PRDM16: variants seen among roughly 807,000 people sequenced by gnomAD.
PRDM16 encodes the protein histone-lysine N-methyltransferase PRDM16.
Under a neutral mutation model 110.6 loss-of-function variants are expected in PRDM16, and 23 were observed. The ratio of observed to expected loss-of-function variants is 0.21; its 90% CI spans 0.15 to 0.29. The LOEUF (loss-of-function observed/expected upper bound fraction) is 0.29. Ranked by LOEUF, PRDM16 falls within the 10% of genes least tolerant of loss-of-function variation. PRDM16 has a pLI of 1.00. For synonymous variants in PRDM16, 799 were observed against 781.8 expected (o/e 1.02, Z -0.37); for missense variants, 1,615 against 1,794.3 (o/e 0.90, Z 1.81).
At chr1:3,185,198 A>C (rs2651927) in intron 1 of PRDM16, among the ~76,000 whole-genome samples, 49,117 of 151,806 alleles carry the variant, frequency 0.32, 9,253 homozygotes, top group African/African-American at 0.53. Context: ...TCAGGCTACA[A>C]TCTGGTATAG....
chr1:3,247,340 T>C (rs1251899927), intron 3 of PRDM16, among the ~76,000 whole-genome samples: 1 of 152,242 alleles, frequency 6.6e-6, no homozygotes, highest in Non-Finnish European at 1.5e-5. Context: ...TTAGGAATTC[T>C]AAGTATCAGA....
intron 2 of PRDM16, among the ~76,000 whole-genome samples, chr1:3,204,762 G>A (rs1638713998): frequency 6.6e-6 from 1 of 152,260 alleles, no homozygotes; most frequent in Admixed American, 6.5e-5. Flanking sequence ...ACCTGCGGCT[G>A]TGGGTTGCTC....
At chr1:3,119,054 G>A (rs568628943) in intron 1 of PRDM16, among the ~76,000 whole-genome samples, 8 of 152,306 alleles carry the variant, frequency 5.3e-5, no homozygotes, top group Admixed American at 3.9e-4. Context: ...TGGCCCGGGA[G>A]GTGGGAGACG....
At chr1:3,357,200 C>T (rs1366934946) in intron 3 of PRDM16, among the ~76,000 whole-genome samples, 1 of 152,186 alleles carries the variant, frequency 6.6e-6, no homozygotes, top group Admixed American at 6.5e-5. Context: ...GCGGGCGGAC[C>T]TGGCTCTTGG....
At chr1:3,241,141 C>G (rs1639664773) in intron 2 of PRDM16, among the ~76,000 whole-genome samples, 1 of 152,234 alleles carries the variant, frequency 6.6e-6, no homozygotes, top group African/African-American at 2.4e-5. Context: ...GGGCGGAGTC[C>G]GTGGTGTTCC....
In PRDM16 at chr1:3,435,412, G is replaced by A. The variant is rs1024036563; in HGVS notation, c.*1601G>A. The A allele has an allele frequency of 5.2e-5, 12 of 230,306 alleles. No individual in the cohort carries two copies. The highest frequency in any genetic ancestry group is 1.1e-4 in the Admixed American group (2 of 17,674). 14.3% of individuals were successfully genotyped at this position (230,306 alleles called of 1,614,324 possible). On this transcript the variant is annotated 3_prime_UTR_variant, in exon 17 of 17. Coordinates refer to ENST00000270722, the MANE Select transcript of PRDM16 (RefSeq NM_022114.4). ...GATTTTTTATGTGCCAAATACCCCC[G>A]TCCCCCCCATGAATCCTGCTGTCCC... is the stretch of plus-strand genomic sequence containing the variant.
At chr1:3,180,982 GCAGTCTTACA>G (rs1557507455) in intron 1 of PRDM16, among the ~76,000 whole-genome samples, 17 of 142,116 alleles carry the variant, frequency 1.2e-4, no homozygotes, top group African/African-American at 4.4e-4. Context: ...TCTTACACAC[GCAGTCTTACA>G]CACGATCTTA....
Position 3,121,627 on chromosome 1 carries a change from C to T in PRDM16, c.37+52331C>T, listed in dbSNP as rs1643095615. On this transcript the variant is annotated intron_variant, in intron 1 of 16. Coordinates refer to ENST00000270722, the MANE Select transcript of PRDM16 (RefSeq NM_022114.4). Reference sequence around the variant, plus strand: ...TGAGAAATGAATGGGCTTCCGAATGCCGAGAAACAGATGTGAGGCTGTGCC... The same window carrying T: ...TGAGAAATGAATGGGCTTCCGAATGTCGAGAAACAGATGTGAGGCTGTGCC... Among the ~76,000 whole-genome samples, 2 of 152,228 alleles carry T rather than the reference C, an allele frequency of 1.3e-5. 1 individual carries two copies. Among genetic ancestry groups the T allele is most frequent in the South Asian group, 4.1e-4 (2 of 4,830 alleles).
chr1:3,365,732 C>T (rs555769220), intron 3 of PRDM16, among the ~76,000 whole-genome samples: 1 of 152,362 alleles, frequency 6.6e-6, no homozygotes, highest in Non-Finnish European at 1.5e-5. Context: ...CTCGCCGCGG[C>T]CTCGTTTCCA....
intron 2 of PRDM16, among the ~76,000 whole-genome samples, chr1:3,205,197 G>T (rs1189499657): frequency 1.3e-5 from 2 of 151,994 alleles, no homozygotes; most frequent in African/African-American, 4.8e-5. Flanking sequence ...AGGGGGCATT[G>T]GAAATAATCC....
At chr1:3,330,999 G>A (rs1423588615) in intron 3 of PRDM16, among the ~76,000 whole-genome samples, 1 of 152,216 alleles carries the variant, frequency 6.6e-6, no homozygotes, top group Non-Finnish European at 1.5e-5. Flanking sequence ...CCTGAATGCG[G>A]AGAATAGCAG....
intron 3 of PRDM16, among the ~76,000 whole-genome samples, chr1:3,289,519 T>TG (rs1440713719): frequency 6.6e-6 from 1 of 152,192 alleles, no homozygotes; most frequent in Non-Finnish European, 1.5e-5. Context: ...GTGCCCACCC[T>TG]GTGCCAGGGC....
chr1:3,295,387 G>A (rs1226325522), intron 3 of PRDM16, among the ~76,000 whole-genome samples: 1 of 140,920 alleles, frequency 7.1e-6, no homozygotes, highest in Non-Finnish European at 1.5e-5. Context: ...CACCGCGGCT[G>A]GTCCCTCGGG....
chr1:3,418,447 G>A lies in PRDM16; in HGVS notation c.2862-220G>A, dbSNP rs564330981. Among the ~76,000 whole-genome samples, 118 of 152,308 alleles carry A rather than the reference G, an allele frequency of 7.7e-4. 2 individuals carry two copies. The highest frequency in any genetic ancestry group is 7.2e-3 in the Admixed American group (110 of 15,306). On this transcript the variant is annotated intron_variant, in intron 11 of 16. Transcript: ENST00000270722. ...CTGAGGGGCCGAGACGCTTCAGGGG[G>A]CAGGGGCTGCTCTGTCTACTACTGT...
chr1:3,259,790 C>A (rs894707576), intron 3 of PRDM16, among the ~76,000 whole-genome samples: 2 of 152,222 alleles, frequency 1.3e-5, no homozygotes, highest in South Asian at 2.1e-4. Flanking sequence ...GCCTGGGATG[C>A]GCCTCTCCAC....
intron 1 of PRDM16, among the ~76,000 whole-genome samples, chr1:3,079,419 T>C (rs1286194516): frequency 2.0e-5 from 3 of 148,336 alleles, no homozygotes; most frequent in Non-Finnish European, 4.5e-5. Context: ...GTTGCAGGGC[T>C]GTCAGGGGGA....
rs70938087 is a variant in PRDM16 at position 3,389,949 on chromosome 1, G to GCCCCCCCC, written c.573+4672_573+4679dup. On this transcript the variant is annotated intron_variant, in intron 4 of 16. Coordinates refer to ENST00000270722, the MANE Select transcript of PRDM16 (RefSeq NM_022114.4). ...TCTCCATGCACTTTTCTGGGGGTGC[G>GCCCCCCCC]CCCCCCCCCCCCCCCCACCCTCTGG... Among the ~76,000 whole-genome samples the GCCCCCCCC allele has an allele frequency of 2.4e-3, 254 of 107,002 alleles. 2 individuals carry two copies. Among genetic ancestry groups the GCCCCCCCC allele is most frequent in the Non-Finnish European group, 3.1e-3 (153 of 49,414 alleles). The allele number at this position is 107,002 out of a possible 152,430, so 70.2% of individuals were successfully genotyped here.
chr1:3,355,684 C>G (rs1245230053), intron 3 of PRDM16, among the ~76,000 whole-genome samples: 1 of 152,194 alleles, frequency 6.6e-6, no homozygotes, highest in Non-Finnish European at 1.5e-5. Context: ...ACCCTCAGCA[C>G]CTCTCAGACC....
intron 3 of PRDM16, among the ~76,000 whole-genome samples, chr1:3,260,949 C>T (rs2100251217): frequency 6.6e-6 from 1 of 150,994 alleles, no homozygotes; most frequent in Non-Finnish European, 1.5e-5. Flanking sequence ...CTGGCTCCAT[C>T]ATCAACCAGC....
Sources: allele counts gnomAD v4.1 joint callset (sites outside exome capture counted in the v4.1 genomes callset), GRCh38; gene constraint gnomAD v4.1.1; transcripts MANE v1.5; gene names NCBI Gene and HGNC (gene_info 2026-07-23, HGNC 2026-07-21).